The following RELN variants were observed in gnomAD, a reference collection of about 807,000 sequenced individuals.
The protein encoded by RELN is reelin.
Under a neutral mutation model 427.6 loss-of-function variants are expected in RELN, and 108 were observed. The ratio of observed to expected loss-of-function variants is 0.25; its 90% CI spans 0.22 to 0.30. RELN has a LOEUF of 0.30. Among genes scored for constraint, RELN ranks in the 10% least tolerant of loss-of-function variants. RELN has a pLI of 1.00. For synonymous variants in RELN, 1,524 were observed against 1,513.4 expected, an observed-to-expected ratio of 1.01 and a Z score of -0.16; for missense variants, 3,715 against 4,302.8, an observed-to-expected ratio of 0.86 and a Z score of 3.82.
intron 43 of RELN, among the ~76,000 whole-genome samples, chr7:103,541,814 T>C (rs1024895780): frequency 1.3e-5 from 2 of 152,210 alleles, no homozygotes; most frequent in African/African-American, 2.4e-5. Context: ...AATTAAACTA[T>C]ATGCATTAAA....
chr7:103,876,935 A>G (rs572035129), intron 2 of RELN, among the ~76,000 whole-genome samples: 7 of 152,124 alleles, frequency 4.6e-5, no homozygotes, highest in South Asian at 4.2e-4. Flanking sequence ...GCTAAGCCCT[A>G]TGGACACTTT....
intron 8 of RELN, among the ~76,000 whole-genome samples, chr7:103,714,954 TTAAGA>T (rs1789901411): frequency 1.3e-5 from 2 of 152,196 alleles, no homozygotes; most frequent in Non-Finnish European, 2.9e-5. Flanking sequence ...GTCACCAAAG[TTAAGA>T]TAATTCATTA....
intron 45 of RELN, among the ~76,000 whole-genome samples, chr7:103,536,513 G>A (rs952408995): frequency 2.0e-5 from 3 of 152,136 alleles, no homozygotes; most frequent in Non-Finnish European, 4.4e-5. Flanking sequence ...AAGGCGTCAG[G>A]AGCTTTAAAG....
rs1389495321 is a variant in RELN at position 103,909,727 on chromosome 7, ATT to A, written c.337+7346_337+7347del. ...ATATATATAAATATATATTAAATATATTTTTTAATATATATAAATATATATAT... is the reference window on the plus strand; with the variant it reads ...ATATATATAAATATATATTAAATATATTTTAATATATATAAATATATATAT... On this transcript the variant is annotated intron_variant, in intron 2 of 64. Transcript: ENST00000428762. Among the ~76,000 whole-genome samples the A allele has an allele frequency of 4.6e-4, 12 of 26,312 alleles. 2 individuals carry two copies. The highest frequency in any genetic ancestry group is 6.1e-4 in the African/African-American group (4 of 6,510). 17.3% of individuals were successfully genotyped at this position (26,312 alleles called of 152,430 possible).
intron 63 of RELN, 110 bp from the exon 64 acceptor site, chr7:103,478,504 G>A (rs754242892): frequency 7.4e-5 from 51 of 690,974 alleles, no homozygotes; most frequent in African/African-American, 5.3e-5. Flanking sequence ...AGGTTTAGAC[G>A]CAATATAGGA....
In RELN at chr7:103,966,860, T is replaced by C. The variant is rs980188345; in HGVS notation, c.226+22271A>G. Among the ~76,000 whole-genome samples the C allele has an allele frequency of 1.1e-4, 16 of 152,304 alleles. No individual in the cohort carries two copies. The East Asian group carries it at 2.7e-3, about 26-fold the overall frequency. On this transcript the variant is annotated intron_variant, in intron 1 of 64. Coordinates refer to ENST00000428762, the MANE Select transcript of RELN (RefSeq NM_005045.4). Reference sequence around the variant, plus strand: ...AAATCCTCAACTTCACATGGGAACTTGCACATCTTCCCAAAACTTCTCCAA... The same window carrying C: ...AAATCCTCAACTTCACATGGGAACTCGCACATCTTCCCAAAACTTCTCCAA...
At chr7:103,722,855 T>C (rs957923253) in intron 8 of RELN, among the ~76,000 whole-genome samples, 5 of 152,216 alleles carry the variant, frequency 3.3e-5, no homozygotes, top group Non-Finnish European at 5.9e-5. Flanking sequence ...CCTGCTGTAA[T>C]AGAATAAGCC....
intron 1 of RELN, among the ~76,000 whole-genome samples, chr7:103,967,098 G>C (rs1796675104): frequency 6.6e-6 from 1 of 152,068 alleles, no homozygotes; most frequent in Non-Finnish European, 1.5e-5. Flanking sequence ...AACAGGATAG[G>C]CCCTTTACAG....
At chr7:103,647,668 A>C (rs1832824472) in intron 16 of RELN, among the ~76,000 whole-genome samples, 1 of 152,044 alleles carries the variant, frequency 6.6e-6, no homozygotes, top group African/African-American at 2.4e-5. Context: ...CTATCAGAAT[A>C]CTAATGTCAT....
chr7:103,596,776 C>A (rs574471758), intron 24 of RELN, 115 bp from the exon 25 acceptor site: 11 of 897,220 alleles, frequency 1.2e-5, no homozygotes, highest in Non-Finnish European at 1.8e-5. Context: ...GGTCTCGTCC[C>A]CATTTATTGT....
intron 22 of RELN, 58 bp downstream of exon 22, chr7:103,610,637 G>GA: frequency 1.1e-6 from 1 of 872,342 alleles, no homozygotes; most frequent in Non-Finnish European, 2.0e-6. Flanking sequence ...AGACAGAATT[G>GA]AATCAAAAGG....
At chr7:103,971,152 CAA>C (rs559162833) in intron 1 of RELN, among the ~76,000 whole-genome samples, 79 of 81,214 alleles carry the variant, frequency 9.7e-4, no homozygotes, top group African/African-American at 1.7e-3. Context: ...GACTCTATCT[CAA>C]AAAAAAAAAA....
chr7:103,651,474 C>A lies in RELN; in HGVS notation c.1892+187G>T, dbSNP rs2072402. Among the ~76,000 whole-genome samples, 14,259 of 152,064 alleles carry A rather than the reference C, an allele frequency of 0.094. 948 individuals carry two copies. Among genetic ancestry groups the A allele is most frequent in the African/African-American group, 0.19 (7,711 of 41,496 alleles). On this transcript the variant is annotated intron_variant, in intron 15 of 64. Coordinates refer to ENST00000428762, the MANE Select transcript of RELN (RefSeq NM_005045.4). ...AAGAATGAATGGCCTTACAAATGTT[C>A]ATTGTAATCTTGCATCCAGTTTACC...
At chr7:103,647,061 A>T (rs1832812269) in intron 16 of RELN, among the ~76,000 whole-genome samples, 1 of 151,786 alleles carries the variant, frequency 6.6e-6, no homozygotes, top group Non-Finnish European at 1.5e-5. Context: ...ACATACCTCA[A>T]AATAATAAAG....
chr7:103,965,596 G>T (rs1796644470), intron 1 of RELN, among the ~76,000 whole-genome samples: 1 of 152,076 alleles, frequency 6.6e-6, no homozygotes, highest in Non-Finnish European at 1.5e-5. Flanking sequence ...TCAAGGCTTG[G>T]ACGTTATTCT....
intron 41 of RELN, among the ~76,000 whole-genome samples, chr7:103,545,985 CTG>C (rs1273778857): frequency 6.6e-6 from 1 of 151,862 alleles, no homozygotes; most frequent in Non-Finnish European, 1.5e-5. Flanking sequence ...TTTAAAAAAA[CTG>C]AGGTAAAATT....
intron 3 of RELN, among the ~76,000 whole-genome samples, chr7:103,787,196 G>A (rs1192596620): frequency 2.6e-5 from 4 of 152,096 alleles, no homozygotes; most frequent in Non-Finnish European, 4.4e-5. Flanking sequence ...CACAGTAAAA[G>A]CAGTGTTTAG....
chr7:103,896,758 T>C lies in RELN; in HGVS notation c.337+20317A>G, dbSNP rs78648947. 3.1e-3 allele frequency among the ~76,000 whole-genome samples: 465 copies of C among 152,194 alleles called. 12 individuals carry two copies. The East Asian group carries it at 0.045, about 15-fold the overall frequency. ...TTGGATACAAACTTTACAAACATGG[T>C]ATTTGCTGTAAAATTTTTTCAATTT... On this transcript the variant is annotated intron_variant, in intron 2 of 64. Coordinates refer to ENST00000428762, the MANE Select transcript of RELN (RefSeq NM_005045.4).
intron 6 of RELN, among the ~76,000 whole-genome samples, chr7:103,735,670 G>A (rs2115978379): frequency 6.6e-6 from 1 of 152,292 alleles, no homozygotes; most frequent in Non-Finnish European, 1.5e-5. Context: ...AAATCACTCA[G>A]CCTGTAGTCA....
Sources: gnomAD v4.1 joint callset for allele counts (sites outside exome capture counted in the v4.1 genomes callset) on GRCh38, gnomAD v4.1.1 for gene constraint, MANE v1.5 for transcripts, NCBI Gene and HGNC (gene_info 2026-07-23, HGNC 2026-07-21) for gene names.